Variants in NR3C2 observed in about 807,000 individuals in gnomAD.
NR3C2 encodes the protein mineralocorticoid receptor.
NR3C2 carries 15 observed loss-of-function variants against 86.4 expected under a neutral mutation model. The ratio of observed to expected loss-of-function variants is 0.17; its 90% CI spans 0.12 to 0.27. The LOEUF is 0.27. NR3C2 is among the 10% of genes least tolerant of loss of function. NR3C2 has a pLI of 1.00. For missense variants in NR3C2, 960 were observed against 1,195.6 expected (o/e 0.80, Z 2.91); for synonymous variants, 458 against 450.5 (o/e 1.02, Z -0.21).
At chr4:148,276,674 C>A (rs923604238) in intron 2 of NR3C2, among the ~76,000 whole-genome samples, 1 of 152,150 alleles carries the variant, frequency 6.6e-6, no homozygotes, top group Non-Finnish European at 1.5e-5. Context: ...GGGCAACCTC[C>A]TTTTCCCACA....
At chr4:148,256,389 C>T (rs1371365660) in intron 3 of NR3C2, among the ~76,000 whole-genome samples, 1 of 152,070 alleles carries the variant, frequency 6.6e-6, no homozygotes, top group African/African-American at 2.4e-5. Flanking sequence ...GTGAACATCA[C>T]CAGGAACTTT....
chr4:148,406,764 A>T (rs1434253826), intron 2 of NR3C2, among the ~76,000 whole-genome samples: 2 of 152,216 alleles, frequency 1.3e-5, no homozygotes, highest in Non-Finnish European at 2.9e-5. Context: ...GAATGTTAAC[A>T]TAAAACAATT....
intron 2 of NR3C2, 140 bp from the exon 3 acceptor site, chr4:148,260,257 G>A (rs1391218766): frequency 6.5e-6 from 7 of 1,074,554 alleles, no homozygotes; most frequent in Admixed American, 2.0e-5. Context: ...ATGTGACTTA[G>A]CAAAATAAAG....
At chr4:148,128,936 T>G (rs1732876339) in intron 6 of NR3C2, among the ~76,000 whole-genome samples, 1 of 152,222 alleles carries the variant, frequency 6.6e-6, no homozygotes, top group Admixed American at 6.5e-5. Context: ...CTTCCATTTT[T>G]TGTTACTCAT....
chr4:148,282,389 C>A (rs1423224269), intron 2 of NR3C2, among the ~76,000 whole-genome samples: 1 of 152,114 alleles, frequency 6.6e-6, no homozygotes. Context: ...GCTCAGAAAA[C>A]AATTAGCAAT....
intron 4 of NR3C2, among the ~76,000 whole-genome samples, chr4:148,188,462 C>T (rs1159868229): frequency 1.3e-5 from 2 of 152,016 alleles, no homozygotes; most frequent in Non-Finnish European, 2.9e-5. Context: ...TAGGTATATT[C>T]CTACACATTT....
At chr4:148,095,693 G>A (rs1170403601) in intron 8 of NR3C2, among the ~76,000 whole-genome samples, 1 of 152,236 alleles carries the variant, frequency 6.6e-6, no homozygotes, top group Non-Finnish European at 1.5e-5. Context: ...AGGCAGGGTT[G>A]TCCCATGCAG....
chr4:148,248,166 C>T (rs1739408530), intron 3 of NR3C2, among the ~76,000 whole-genome samples: 1 of 152,150 alleles, frequency 6.6e-6, no homozygotes. Context: ...ATGACTATAA[C>T]AATTTCATCG....
At chr4:148,190,679 G>A (rs1470404918) in intron 4 of NR3C2, among the ~76,000 whole-genome samples, 1 of 152,118 alleles carries the variant, frequency 6.6e-6, no homozygotes, top group East Asian at 1.9e-4. Context: ...TCATTTCTTA[G>A]GTCTATTAGT....
intron 2 of NR3C2, among the ~76,000 whole-genome samples, chr4:148,303,819 T>A (rs913601727): frequency 3.9e-5 from 6 of 152,216 alleles, no homozygotes; most frequent in Non-Finnish European, 5.9e-5. Flanking sequence ...AAATGAGGTC[T>A]AGGGAACTCG....
intron 2 of NR3C2, among the ~76,000 whole-genome samples, chr4:148,284,113 G>A (rs1267085980): frequency 6.6e-6 from 1 of 152,136 alleles, no homozygotes; most frequent in African/African-American, 2.4e-5. Flanking sequence ...AGGAGGTCTG[G>A]CCTGGATCTG....
chr4:148,377,398 T>C (rs563938315), intron 2 of NR3C2, among the ~76,000 whole-genome samples: 1 of 152,258 alleles, frequency 6.6e-6, no homozygotes, highest in East Asian at 1.9e-4. Context: ...GTGAAGCTCT[T>C]CCCAAAAGTA....
At chr4:148,281,624 T>C (rs1362279238) in intron 2 of NR3C2, among the ~76,000 whole-genome samples, 1 of 152,236 alleles carries the variant, frequency 6.6e-6, no homozygotes, top group Non-Finnish European at 1.5e-5. Flanking sequence ...TGGCCTGAGC[T>C]TCACTGCTTC....
chr4:148,257,022 A>G (rs1274722698), intron 3 of NR3C2, among the ~76,000 whole-genome samples: 3 of 152,128 alleles, frequency 2.0e-5, no homozygotes, highest in African/African-American at 7.2e-5. Flanking sequence ...ACATCAACTC[A>G]AAACTCAGGC....
chr4:148,080,998 C>T lies in NR3C2; in HGVS notation c.*346G>A, dbSNP rs1193242661. ...AGTCCTTGAACCCTTTTAAAACAAG[C>T]GAACGATACCAGAAACTACACGGCA... On this transcript the variant is annotated 3_prime_UTR_variant, in exon 9 of 9. Coordinates refer to ENST00000358102, the MANE Select transcript of NR3C2 (RefSeq NM_000901.5). 2 of 356,088 alleles carry T rather than the reference C, an allele frequency of 5.6e-6. No individual in the cohort carries two copies. Among genetic ancestry groups the T allele is most frequent in the Middle Eastern group, 9.3e-4 (1 of 1,074 alleles). The allele number at this position is 356,088 out of a possible 1,614,324, so 22.1% of individuals were successfully genotyped here.
intron 2 of NR3C2, among the ~76,000 whole-genome samples, chr4:148,362,293 TAC>T (rs1462095224): frequency 1.3e-5 from 2 of 152,156 alleles, no homozygotes; most frequent in Admixed American, 1.3e-4. Flanking sequence ...TACTGTATTA[TAC>T]AGTTTCATAT....
At position 148,436,295 on chromosome 4, in the gene NR3C2, T is replaced by C. The variant is rs768351531; in HGVS notation, c.566A>G (p.Glu189Gly). Residue 189 changes from glutamate (E) to glycine (G), a missense_variant, in exon 2 of 9, where the codon GAG becomes GGG. Glu to Gly is a moderately conservative substitution (Grantham distance 98, BLOSUM62 -2). Coordinates refer to ENST00000358102, the MANE Select transcript of NR3C2 (RefSeq NM_000901.5). ...AVVKSPIMCHEKSPSVCSPLN... is the reference protein window; with the variant it reads ...AVVKSPIMCHGKSPSVCSPLN... ...AGGGCTGCAAACAGACGGGCTTTTCTCATGACACATGATAGGGCTTTTAAC... is the reference window on the plus strand; with the variant it reads ...AGGGCTGCAAACAGACGGGCTTTTCCCATGACACATGATAGGGCTTTTAAC... 5.6e-6 allele frequency: 9 copies of C among 1,614,048 alleles called. No homozygotes were observed. Among genetic ancestry groups the C allele is most frequent in the Non-Finnish European group, 7.6e-6 (9 of 1,180,024 alleles).
intron 3 of NR3C2, among the ~76,000 whole-genome samples, chr4:148,196,980 A>T (rs1736469491): frequency 6.6e-6 from 1 of 152,246 alleles, no homozygotes. Flanking sequence ...GTTAACCCAC[A>T]GAACAACCCT....
At chr4:148,254,769 A>G (rs1164624544) in intron 3 of NR3C2, among the ~76,000 whole-genome samples, 1 of 152,226 alleles carries the variant, frequency 6.6e-6, no homozygotes, top group African/African-American at 2.4e-5. Flanking sequence ...GTAAGCAGAC[A>G]GTCCTTGGTT....
Sources: gnomAD v4.1 joint callset for allele counts (sites outside exome capture counted in the v4.1 genomes callset) on GRCh38, gnomAD v4.1.1 for gene constraint, MANE v1.5 for transcripts, NCBI Gene and HGNC (gene_info 2026-07-23, HGNC 2026-07-21) for gene names.